Variants in RGS6 observed in about 807,000 individuals in gnomAD.
The protein encoded by RGS6 is regulator of G protein signaling 6, also known as regulator of G-protein signaling 6.
RGS6 carries 30 observed loss-of-function variants against 78.5 expected under a neutral mutation model. The observed-to-expected ratio is 0.38, with a 90% CI of 0.29 to 0.52. The LOEUF (loss-of-function observed/expected upper bound fraction) is 0.52. RGS6 is among the 20% of genes least tolerant of loss of function. RGS6 has a pLI of 0.85. For missense variants in RGS6, 495 were observed against 609.7 expected (o/e 0.81, Z 1.98); for synonymous variants, 206 against 206.0 (o/e 1.00, Z 0.00).
At chr14:72,289,417 C>T (rs2063179848) in intron 2 of RGS6, among the ~76,000 whole-genome samples, 1 of 151,878 alleles carries the variant, frequency 6.6e-6, no homozygotes, top group Admixed American at 6.6e-5. Flanking sequence ...CCCCTTATTG[C>T]TTGGAACCCA....
In RGS6 at chr14:72,544,410, T is replaced by C. The variant is rs138405768; in HGVS notation, c.1422+4316T>C. 2.0e-4 allele frequency among the ~76,000 whole-genome samples: 30 copies of C among 152,248 alleles called. No homozygotes were observed. The East Asian group carries it at 5.8e-3, about 29-fold the overall frequency. The stretch of plus-strand genomic sequence containing the variant: ...GGCTCAGTTGAAACCTTACCTGCCC[T>C]CTTGAGAGCTTCATCAGCTCCAGCC... On this transcript the variant is annotated intron_variant, in intron 17 of 17. Coordinates refer to ENST00000553525, the MANE Select transcript of RGS6 (RefSeq NM_001204424.2).
At chr14:72,343,407 G>C (rs936999172) in intron 2 of RGS6, among the ~76,000 whole-genome samples, 1 of 152,158 alleles carries the variant, frequency 6.6e-6, no homozygotes, top group Non-Finnish European at 1.5e-5. Flanking sequence ...AGCTGGGAAA[G>C]GTCTTCTGCT....
At chr14:72,143,825 G>C (rs1377835069) in intron 2 of RGS6, among the ~76,000 whole-genome samples, 2 of 152,132 alleles carry the variant, frequency 1.3e-5, no homozygotes, top group East Asian at 3.9e-4. Flanking sequence ...AGCAATGTCT[G>C]TAATAAAACA....
intron 11 of RGS6, among the ~76,000 whole-genome samples, chr14:72,477,515 CG>C (rs2096268437): frequency 6.6e-6 from 1 of 151,624 alleles, no homozygotes; most frequent in South Asian, 2.1e-4. Flanking sequence ...TGGCGGGGCT[CG>C]GGGCTCGGTG....
intron 3 of RGS6, among the ~76,000 whole-genome samples, chr14:72,383,296 G>A (rs1212434092): frequency 6.7e-6 from 1 of 150,288 alleles, no homozygotes; most frequent in Non-Finnish European, 1.5e-5. Flanking sequence ...GGTGTATCAC[G>A]AGGTGGGACT....
chr14:72,426,725 C>G (rs578092454), intron 3 of RGS6, among the ~76,000 whole-genome samples: 6 of 152,318 alleles, frequency 3.9e-5, no homozygotes, highest in African/African-American at 1.4e-4. Flanking sequence ...TGAAGTCTCT[C>G]TTAAGCTCCT....
chr14:72,243,097 G>T (rs543482502), intron 2 of RGS6, among the ~76,000 whole-genome samples: 1 of 151,882 alleles, frequency 6.6e-6, no homozygotes, highest in African/African-American at 2.4e-5. Context: ...CGATCCACCC[G>T]CCTCGGCCTC....
At chr14:72,292,582 A>T (rs1319240316) in intron 2 of RGS6, among the ~76,000 whole-genome samples, 2 of 152,210 alleles carry the variant, frequency 1.3e-5, no homozygotes, top group Non-Finnish European at 2.9e-5. Flanking sequence ...CTGTTTTAAC[A>T]ATGCCCTCTA....
intron 2 of RGS6, among the ~76,000 whole-genome samples, chr14:71,971,822 G>A (rs1049321737): frequency 1.3e-5 from 2 of 151,820 alleles, no homozygotes; most frequent in Non-Finnish European, 1.5e-5. Flanking sequence ...TGGTGGACTC[G>A]GTTCTTCGTT....
chr14:72,559,182 C>A (rs2153549304), intron 17 of RGS6, among the ~76,000 whole-genome samples: 1 of 152,334 alleles, frequency 6.6e-6, no homozygotes, highest in South Asian at 2.1e-4. Flanking sequence ...AGGGTACAGG[C>A]AGGAGCTCCC....
intron 2 of RGS6, among the ~76,000 whole-genome samples, chr14:71,980,438 C>T: frequency 6.7e-6 from 1 of 148,560 alleles, no homozygotes; most frequent in African/African-American, 2.5e-5. Context: ...CCTTCAGGAG[C>T]TCTTTTAGGG....
chr14:72,619,163 C>T, the RGS6 span: 3 of 866,810 alleles, frequency 3.5e-6, no homozygotes, highest in African/African-American at 3.4e-5. Context: ...TTCCATGTGT[C>T]CCTGCCCCTC....
Position 72,268,690 on chromosome 14 carries a change from G to A in RGS6, c.85-83405G>A, listed in dbSNP as rs552176890. On this transcript the variant is annotated intron_variant, in intron 2 of 17. Transcript: ENST00000553525. ...GTGATTCATCCACCCTGTGCTGGGA[G>A]AGAGAAAGAGACTTTAGGTGAGAAA... Among the ~76,000 whole-genome samples, 13 of 152,346 alleles carry A rather than the reference G, an allele frequency of 8.5e-5. No homozygotes were observed. The South Asian group carries it at 2.3e-3, about 27-fold the overall frequency.
At chr14:72,572,356 C>A in the RGS6 span, among the ~76,000 whole-genome samples, 1 of 151,752 alleles carries the variant, frequency 6.6e-6, no homozygotes, top group Non-Finnish European at 1.5e-5. Flanking sequence ...GTGTTCATAG[C>A]AGCATTATTC....
At chr14:72,560,012 AG>A (rs1395615347) in intron 17 of RGS6, among the ~76,000 whole-genome samples, 1 of 152,178 alleles carries the variant, frequency 6.6e-6, no homozygotes, top group Non-Finnish European at 1.5e-5. Flanking sequence ...ATGAGGCTGC[AG>A]TGAAGGTTTG....
intron 13 of RGS6, among the ~76,000 whole-genome samples, chr14:72,501,237 G>A (rs984474661): frequency 6.6e-6 from 1 of 152,166 alleles, no homozygotes; most frequent in Non-Finnish European, 1.5e-5. Flanking sequence ...GGAGGTTACA[G>A]ACAGCCAAAT....
intron 2 of RGS6, among the ~76,000 whole-genome samples, chr14:72,323,437 TAAAA>T (rs1037525162): frequency 1.5e-5 from 2 of 137,414 alleles, no homozygotes; most frequent in East Asian, 4.2e-4. Flanking sequence ...TGCAATGCAA[TAAAA>T]AAAAAAACAA....
At chr14:72,137,103 G>A (rs1009829859) in intron 2 of RGS6, among the ~76,000 whole-genome samples, 9 of 152,108 alleles carry the variant, frequency 5.9e-5, no homozygotes, top group African/African-American at 1.4e-4. Flanking sequence ...GGTGAGAAAC[G>A]TGAGGAAATG....
chr14:72,016,397 G>A (rs557033498), intron 2 of RGS6, among the ~76,000 whole-genome samples: 48 of 152,086 alleles, frequency 3.2e-4, no homozygotes, highest in Middle Eastern at 3.4e-3. Context: ...ACGGAGTCTC[G>A]CACTGTTCCC....
Sources: gnomAD v4.1 joint callset for allele counts (sites outside exome capture counted in the v4.1 genomes callset) on GRCh38, gnomAD v4.1.1 for gene constraint, MANE v1.5 for transcripts, NCBI Gene and HGNC (gene_info 2026-07-23, HGNC 2026-07-21) for gene names.